Variants in SVEP1 observed in about 807,000 individuals in gnomAD.
SVEP1 encodes sushi, von Willebrand factor type A, EGF and pentraxin domain containing 1, also known as sushi, von Willebrand factor type A, EGF and pentraxin domain-containing protein 1.
SVEP1 carries 164 observed loss-of-function variants against 367.3 expected under a neutral mutation model. The ratio of observed to expected loss-of-function variants is 0.45; its 90% confidence interval spans 0.39 to 0.51. SVEP1 has a LOEUF of 0.51. Ranked by LOEUF, SVEP1 falls within the 20% of genes least tolerant of loss-of-function variation. The pLI is 0.00. For synonymous variants in SVEP1, 1,666 were observed against 1,611.6 expected (o/e 1.03, Z -0.81); for missense variants, 4,117 against 4,425.3 (o/e 0.93, Z 1.98).
intron 1 of SVEP1, among the ~76,000 whole-genome samples, chr9:110,561,859 G>C (rs1027277088): frequency 2.6e-5 from 4 of 152,090 alleles, no homozygotes; most frequent in East Asian, 1.9e-4. Flanking sequence ...ATTTACTTGG[G>C]CTTCATAGAC....
Position 110,375,472 on chromosome 9 carries a change from A to AG in SVEP1, c.10505-10_10505-9insC. 1 of 1,462,094 alleles carries AG rather than the reference A, an allele frequency of 6.8e-7. No homozygotes were observed. Among genetic ancestry groups the AG allele is most frequent in the South Asian group, 1.3e-5 (1 of 75,216 alleles). 90.6% of individuals were successfully genotyped at this position (1,462,094 alleles called of 1,614,324 possible). A position where few individuals can be genotyped will look rare whatever the true frequency, so the allele number is the denominator to read the frequency against. ...GGGAAGAATGCAGATTGCTAAAAAA[A>AG]AAAAAAAAAAAAAAAAAAGGAGGCA... On this transcript the variant is annotated splice_polypyrimidine_tract_variant and intron_variant, in intron 45 of 47. Transcript: ENST00000374469.
At chr9:110,470,913 T>C (rs953607790) in intron 16 of SVEP1, among the ~76,000 whole-genome samples, 1 of 152,124 alleles carries the variant, frequency 6.6e-6, no homozygotes, top group Non-Finnish European at 1.5e-5. Flanking sequence ...TATCTCCTAA[T>C]GCTATCCCTC....
At chr9:110,522,306 G>A (rs1829885707) in intron 3 of SVEP1, among the ~76,000 whole-genome samples, 1 of 151,876 alleles carries the variant, frequency 6.6e-6, no homozygotes, top group African/African-American at 2.4e-5. Context: ...TCCATGGTGG[G>A]GATAACATTA....
At chr9:110,478,151 C>T (rs1389111674) in intron 13 of SVEP1, among the ~76,000 whole-genome samples, 1 of 152,196 alleles carries the variant, frequency 6.6e-6, no homozygotes, top group African/African-American at 2.4e-5. Context: ...GCCTGGAACG[C>T]TCTTCCCCTA....
intron 18 of SVEP1, among the ~76,000 whole-genome samples, chr9:110,461,765 C>T (rs773308520): frequency 7.2e-5 from 11 of 151,974 alleles, no homozygotes; most frequent in Non-Finnish European, 1.2e-4. Flanking sequence ...GATTTTTATG[C>T]AAATTTAGAA....
intron 36 of SVEP1, 116 bp from the exon 37 acceptor site, chr9:110,411,851 T>G: frequency 1.0e-6 from 1 of 989,256 alleles, no homozygotes. Flanking sequence ...ATCTTTAAAA[T>G]AATATTTCCT....
intron 3 of SVEP1, among the ~76,000 whole-genome samples, chr9:110,516,702 T>C (rs1829808955): frequency 6.6e-6 from 1 of 151,956 alleles, no homozygotes; most frequent in South Asian, 2.1e-4. Flanking sequence ...AAAATGTAAA[T>C]GAAAAATTAG....
intron 40 of SVEP1, among the ~76,000 whole-genome samples, chr9:110,390,362 TAC>T (rs1455643927): frequency 3.7e-3 from 377 of 100,822 alleles, no homozygotes; most frequent in Non-Finnish European, 4.4e-3. Flanking sequence ...TATATATATA[TAC>T]TTATATCTAC....
intron 1 of SVEP1, among the ~76,000 whole-genome samples, chr9:110,567,484 G>C (rs944327008): frequency 6.6e-6 from 1 of 152,134 alleles, no homozygotes; most frequent in South Asian, 2.1e-4. Flanking sequence ...AATATTGAAA[G>C]AGAAAAAGTG....
At chr9:110,442,400 C>T (rs137893889) in intron 27 of SVEP1, 13 of 152,058 alleles carry the variant, frequency 8.5e-5, no homozygotes, top group South Asian at 6.2e-4. Context: ...TGGTTTGATC[C>T]GCATGGATCT....
chr9:110,505,568 C>T (rs1829611742), intron 5 of SVEP1, among the ~76,000 whole-genome samples: 1 of 152,126 alleles, frequency 6.6e-6, no homozygotes, highest in Non-Finnish European at 1.5e-5. Flanking sequence ...GAGGAGGTGT[C>T]TCTGTTGCTC....
At chr9:110,382,568 T>C (rs1356655700) in intron 43 of SVEP1, among the ~76,000 whole-genome samples, 1 of 152,162 alleles carries the variant, frequency 6.6e-6, no homozygotes, top group Non-Finnish European at 1.5e-5. Flanking sequence ...TCATGGAGTA[T>C]CTTACTGGGG....
intron 39 of SVEP1, 143 bp downstream of exon 39, chr9:110,404,184 T>C: frequency 2.6e-6 from 2 of 757,258 alleles, no homozygotes; most frequent in Non-Finnish European, 4.2e-6. Flanking sequence ...CTATATTTTC[T>C]ACCAAGAAAC....
chr9:110,453,673 G>A (rs1194763566), intron 22 of SVEP1, among the ~76,000 whole-genome samples: 1 of 152,002 alleles, frequency 6.6e-6, no homozygotes, highest in East Asian at 1.9e-4. Flanking sequence ...TTCAAGACCA[G>A]CCTGACCAAT....
chr9:110,518,363 A>C (rs1157518352), intron 3 of SVEP1, among the ~76,000 whole-genome samples: 4 of 151,966 alleles, frequency 2.6e-5, no homozygotes, highest in African/African-American at 7.3e-5. Flanking sequence ...CGGAGGTTGC[A>C]GTGAGCCATG....
intron 14 of SVEP1, 21 bp downstream of exon 14, chr9:110,476,183 G>T: frequency 6.7e-7 from 1 of 1,493,264 alleles, no homozygotes; most frequent in Non-Finnish European, 9.3e-7. Context: ...GCCAACTACC[G>T]ATGCCACAGA....
Position 110,411,372 on chromosome 9 carries a change from C to T in SVEP1, c.6339G>A (p.Met2113Ile). The change falls in exon 37 of 48, where the codon ATG becomes ATA. Residue 2113 changes from methionine (M) to isoleucine (I), a missense_variant. This residue lies in a region of SVEP1 where 2,174 missense variants were observed against 2,494.3 expected (regional missense o/e 0.87). Transcript: ENST00000374469. ...CTGAGGTGTTCAGTACAAAGCCTTCCATGCATTTAAAGCTCACAACTGAGC... is the reference window on the plus strand; with the variant it reads ...CTGAGGTGTTCAGTACAAAGCCTTCTATGCATTTAAAGCTCACAACTGAGC... ...AAGSVVSFKCMEGFVLNTSAK... is the reference protein window; with the variant it reads ...AAGSVVSFKCIEGFVLNTSAK... 5.0e-6 allele frequency: 8 copies of T among 1,614,004 alleles called. No homozygotes were observed. Among genetic ancestry groups the T allele is most frequent in the Non-Finnish European group, 6.8e-6 (8 of 1,179,896 alleles).
chr9:110,409,155 G>T (rs984366409), intron 37 of SVEP1, among the ~76,000 whole-genome samples: 1 of 152,086 alleles, frequency 6.6e-6, no homozygotes, highest in South Asian at 2.1e-4. Context: ...GTCAACTTAG[G>T]CTCGGCATGA....
chr9:110,371,250 T>G (rs937944713), intron 46 of SVEP1, among the ~76,000 whole-genome samples: 1 of 152,204 alleles, frequency 6.6e-6, no homozygotes, highest in Non-Finnish European at 1.5e-5. Flanking sequence ...TTCTGCTTGC[T>G]GATATAAGAA....
Sources: gnomAD v4.1 joint callset for allele counts (sites outside exome capture counted in the v4.1 genomes callset) on GRCh38, gnomAD v4.1.1 for gene constraint, gnomAD v4.1.1 regional missense constraint, MANE v1.5 for transcripts, NCBI Gene and HGNC (gene_info 2026-07-23, HGNC 2026-07-21) for gene names.